SPATA17: variants seen among roughly 807,000 people sequenced by gnomAD.
The protein encoded by SPATA17 is spermatogenesis associated 17, also known as spermatogenesis-associated protein 17.
In SPATA17, 53 loss-of-function variants were observed where a neutral mutation model predicts 62.2. The observed-to-expected ratio is 0.85, with a 90% CI of 0.68 to 1.07. SPATA17 has a LOEUF of 1.07. Among genes scored for constraint, SPATA17 ranks in the 50% least tolerant of loss-of-function variants. The pLI is 0.00. For synonymous variants in SPATA17, 146 were observed against 146.8 expected (o/e 0.99, Z 0.04); for missense variants, 466 against 425.5 (o/e 1.10, Z -0.84).
At chr1:217,788,842 G>T (rs1673925711) in intron 8 of SPATA17, among the ~76,000 whole-genome samples, 1 of 152,172 alleles carries the variant, frequency 6.6e-6, no homozygotes, top group Non-Finnish European at 1.5e-5. Flanking sequence ...CAATTTTGTG[G>T]TGATTTGTTA....
intron 5 of SPATA17, among the ~76,000 whole-genome samples, chr1:217,712,583 C>CAAA (rs1197511330): frequency 1.3e-5 from 2 of 152,056 alleles, no homozygotes; most frequent in African/African-American, 4.8e-5. Flanking sequence ...CAGGCCTTTT[C>CAAA]CTTCCATTCT....
chr1:217,781,919 G>T (rs1558048538), intron 7 of SPATA17, among the ~76,000 whole-genome samples: 2 of 152,022 alleles, frequency 1.3e-5, no homozygotes, highest in African/African-American at 4.8e-5. Flanking sequence ...ATAACATGAA[G>T]ATCTTTTGAT....
intron 10 of SPATA17, 41 bp downstream of exon 10, chr1:217,862,897 A>G: frequency 7.7e-7 from 1 of 1,300,646 alleles, no homozygotes; most frequent in Non-Finnish European, 1.1e-6. Flanking sequence ...AAGTATATTA[A>G]ATAACACTTA....
At chr1:217,654,869 C>T (rs764706406) in intron 3 of SPATA17, among the ~76,000 whole-genome samples, 30 of 151,984 alleles carry the variant, frequency 2.0e-4, no homozygotes, top group Admixed American at 3.3e-4. Flanking sequence ...CGTGCCACCA[C>T]GCCCGGCTAA....
chr1:217,829,415 G>T (rs969513237), intron 9 of SPATA17, among the ~76,000 whole-genome samples: 1 of 151,618 alleles, frequency 6.6e-6, no homozygotes, highest in Non-Finnish European at 1.5e-5. Context: ...ATCATCTGAG[G>T]TCAGGAGTTC....
chr1:217,827,495 A>T (rs547714333), intron 9 of SPATA17, among the ~76,000 whole-genome samples: 5 of 152,106 alleles, frequency 3.3e-5, no homozygotes, highest in African/African-American at 1.2e-4. Flanking sequence ...AGAACCGGAA[A>T]CACATCCAGG....
chr1:217,853,082 C>T (rs1675700817), intron 9 of SPATA17, among the ~76,000 whole-genome samples: 1 of 151,926 alleles, frequency 6.6e-6, no homozygotes, highest in South Asian at 2.1e-4. Context: ...TAAGTAGGCA[C>T]TTGATTAATA....
intron 9 of SPATA17, among the ~76,000 whole-genome samples, chr1:217,829,609 CAG>C (rs1675084569): frequency 9.4e-6 from 1 of 105,892 alleles, no homozygotes; most frequent in African/African-American, 3.8e-5. Flanking sequence ...GCCTGGGTGA[CAG>C]AGCGAGACTC....
chr1:217,833,317 G>T (rs948443006), intron 9 of SPATA17, among the ~76,000 whole-genome samples: 4 of 152,170 alleles, frequency 2.6e-5, no homozygotes, highest in Admixed American at 2.6e-4. Flanking sequence ...ATCAACTGGA[G>T]AAGAAGTAAC....
chr1:217,841,126 G>A (rs1258230873), intron 9 of SPATA17, among the ~76,000 whole-genome samples: 1 of 151,776 alleles, frequency 6.6e-6, no homozygotes, highest in African/African-American at 2.4e-5. Flanking sequence ...ACTTAACCAT[G>A]ATATTTACCA....
At chr1:217,672,196 T>C (rs1269568482) in intron 4 of SPATA17, among the ~76,000 whole-genome samples, 1 of 152,232 alleles carries the variant, frequency 6.6e-6, no homozygotes, top group African/African-American at 2.4e-5. Flanking sequence ...ATTACAATCC[T>C]AATTGGATAC....
intron 9 of SPATA17, among the ~76,000 whole-genome samples, chr1:217,808,117 A>G (rs887857824): frequency 5.3e-5 from 8 of 152,196 alleles, no homozygotes; most frequent in Non-Finnish European, 1.0e-4. Flanking sequence ...CCAGCCTTCC[A>G]AAAAGCAGGA....
intron 9 of SPATA17, among the ~76,000 whole-genome samples, chr1:217,843,520 A>C (rs1675458958): frequency 6.6e-6 from 1 of 152,072 alleles, no homozygotes. Context: ...AAGGACATGG[A>C]CAGTACATTT....
intron 9 of SPATA17, among the ~76,000 whole-genome samples, chr1:217,848,358 G>A (rs1416612394): frequency 1.3e-5 from 2 of 152,096 alleles, no homozygotes; most frequent in East Asian, 3.9e-4. Flanking sequence ...TATGGTAGAT[G>A]AGTATTTAGC....
chr1:217,815,615 G>C (rs1674693276), intron 9 of SPATA17, among the ~76,000 whole-genome samples: 1 of 152,184 alleles, frequency 6.6e-6, no homozygotes, highest in Non-Finnish European at 1.5e-5. Flanking sequence ...GTGACGTTGT[G>C]AAGGTGTTTT....
At chr1:217,734,062 A>T (rs1672454886) in intron 5 of SPATA17, among the ~76,000 whole-genome samples, 1 of 152,220 alleles carries the variant, frequency 6.6e-6, no homozygotes, top group Non-Finnish European at 1.5e-5. Context: ...TCTAATGGGA[A>T]TATTTTAGGT....
In SPATA17 at chr1:217,871,434, C is replaced by T. The variant is rs1476481810; in HGVS notation, c.*4415C>T. ...GATTTTCTCTTCCATTTTATTTTCA[C>T]TTCCATTTTAAGCTGGCTCAAAGCC... On this transcript the variant is annotated 3_prime_UTR_variant, in exon 11 of 11. Transcript: ENST00000366933. 6.6e-6 allele frequency: 1 copy of T among 151,960 alleles called. No individual in the cohort carries two copies. Among genetic ancestry groups the T allele is most frequent in the Non-Finnish European group, 1.5e-5 (1 of 68,006 alleles). The allele number at this position is 151,960 out of a possible 1,614,324, so 9.4% of individuals were successfully genotyped here.
At position 217,847,680 on chromosome 1, in the gene SPATA17, T is replaced by C. The variant is rs539012406; in HGVS notation, c.1006-15094T>C. 2.6e-5 allele frequency among the ~76,000 whole-genome samples: 4 copies of C among 152,192 alleles called. No homozygotes were observed. The East Asian group carries it at 7.7e-4, about 29-fold the overall frequency. ...AAAAATGTTCAGATGTAGGTAAAAATTAATAACAGAAGATAAACCACATAT... is the reference window on the plus strand; with the variant it reads ...AAAAATGTTCAGATGTAGGTAAAAACTAATAACAGAAGATAAACCACATAT... On this transcript the variant is annotated intron_variant, in intron 9 of 10. Coordinates refer to ENST00000366933, the MANE Select transcript of SPATA17 (RefSeq NM_138796.4).
rs1003617889 is a variant in SPATA17 at position 217,869,791 on chromosome 1, G to C, written c.*2772G>C. On this transcript the variant is annotated 3_prime_UTR_variant, in exon 11 of 11. Transcript: ENST00000366933. ...CCACATCCTATAATGGCCTGAACTA[G>C]TTTTTCAGGTTAACTTTGGAATACC... 1.3e-5 allele frequency: 2 copies of C among 150,622 alleles called. No individual in the cohort carries two copies. Among genetic ancestry groups the C allele is most frequent in the African/African-American group, 2.4e-5 (1 of 41,042 alleles). The allele number at this position is 150,622 out of a possible 1,614,324, so 9.3% of individuals were successfully genotyped here. A position where few individuals can be genotyped will look rare whatever the true frequency, so the allele number is the denominator to read the frequency against.
Sources: gnomAD v4.1 joint callset for allele counts (sites outside exome capture counted in the v4.1 genomes callset) on GRCh38, gnomAD v4.1.1 for gene constraint, MANE v1.5 for transcripts, NCBI Gene and HGNC (gene_info 2026-07-23, HGNC 2026-07-21) for gene names.